Variants in PPARGC1B observed in about 807,000 individuals in gnomAD.
The protein encoded by PPARGC1B is PPARG coactivator 1 beta.
PPARGC1B carries 34 observed loss-of-function variants against 101.6 expected under a neutral mutation model. That is an observed-to-expected ratio of 0.33 (90% CI 0.25 to 0.45). The LOEUF is 0.45. Ranked by LOEUF, PPARGC1B falls within the 20% of genes least tolerant of loss-of-function variation. PPARGC1B has a pLI of 1.00. For missense variants in PPARGC1B, 1,234 were observed against 1,317.6 expected (o/e 0.94, Z 0.98); for synonymous variants, 548 against 539.3 (o/e 1.02, Z -0.22).
intron 1 of PPARGC1B, among the ~76,000 whole-genome samples, chr5:149,764,210 A>C (rs1396300245): frequency 2.0e-5 from 3 of 152,190 alleles, no homozygotes; most frequent in Non-Finnish European, 4.4e-5. Flanking sequence ...CCTCACAGTC[A>C]TTGATAGGAG....
chr5:149,744,192 C>T (rs1227816895), intron 1 of PPARGC1B, among the ~76,000 whole-genome samples: 1 of 152,246 alleles, frequency 6.6e-6, no homozygotes, highest in East Asian at 1.9e-4. Flanking sequence ...TTAGAATCTC[C>T]TCATATGTTG....
downstream of PPARGC1B, among the ~76,000 whole-genome samples, chr5:149,856,771 C>CT (rs562000427): frequency 0.11 from 14,068 of 129,064 alleles, 1,027 homozygotes; most frequent in South Asian, 0.2. Context: ...AGCTGCTTGG[C>CT]TTTTTTTTTT....
chr5:149,730,450 G>C lies in PPARGC1B; in HGVS notation c.78+30G>C. On this transcript the variant is annotated intron_variant, in intron 1 of 11. Coordinates refer to ENST00000309241, the MANE Select transcript of PPARGC1B (RefSeq NM_133263.4). This position sits in a 1 kb window ranked among gnomAD's most constrained non-coding sequence, Gnocchi z 4.0. ...GGCCGGCTGGGGCTGCGGGCCCGGG[G>C]CCAGGGGTGCTGAGCTGCGGGGGCC... 1 of 1,513,280 alleles carries C rather than the reference G, an allele frequency of 6.6e-7. No homozygotes were observed. The highest frequency in any genetic ancestry group is 8.9e-7 in the Non-Finnish European group (1 of 1,127,770). 93.7% of individuals were successfully genotyped at this position (1,513,280 alleles called of 1,614,324 possible). A position where few individuals can be genotyped will look rare whatever the true frequency, so the allele number is the denominator to read the frequency against.
chr5:149,837,641 C>T lies in PPARGC1B; in HGVS notation c.2618+568C>T, dbSNP rs1759159024. Among the ~76,000 whole-genome samples, 2 of 152,188 alleles carry T rather than the reference C, an allele frequency of 1.3e-5. No homozygotes were observed. Among genetic ancestry groups the T allele is most frequent in the African/African-American group, 4.8e-5 (2 of 41,450 alleles). On this transcript the variant is annotated intron_variant, in intron 8 of 11. Transcript: ENST00000309241. This position sits in a 1 kb window ranked among gnomAD's most constrained non-coding sequence, Gnocchi z 4.2. Reference sequence around the variant, plus strand: ...AGTGGAGGGATGATGCCTCATGAGCCCGCTTGCTCGTATCATCCTCGCTCG... The same window carrying T: ...AGTGGAGGGATGATGCCTCATGAGCTCGCTTGCTCGTATCATCCTCGCTCG...
chr5:149,847,588 A>C lies in PPARGC1B; in HGVS notation c.*30A>C. On this transcript the variant is annotated 3_prime_UTR_variant, in exon 12 of 12. Coordinates refer to ENST00000309241, the MANE Select transcript of PPARGC1B (RefSeq NM_133263.4). ...AGCCTTAACCCTCGAGGAATACCTCAATACCTCAGACAAGGCCCTTCCAAT... is the reference window on the plus strand; with the variant it reads ...AGCCTTAACCCTCGAGGAATACCTCCATACCTCAGACAAGGCCCTTCCAAT... The C allele has an allele frequency of 1.3e-6, 2 of 1,500,484 alleles. No homozygotes were observed. Among genetic ancestry groups the C allele is most frequent in the Non-Finnish European group, 1.9e-6 (2 of 1,076,958 alleles). 92.9% of individuals were successfully genotyped at this position (1,500,484 alleles called of 1,614,324 possible).
intron 4 of PPARGC1B, among the ~76,000 whole-genome samples, chr5:149,831,145 G>A (rs1210357513): frequency 6.6e-6 from 1 of 152,232 alleles, no homozygotes; most frequent in Non-Finnish European, 1.5e-5. Context: ...GATGAGGAAA[G>A]TGTGGCCAGG....
chr5:149,837,407 T>C lies in PPARGC1B; in HGVS notation c.2618+334T>C, dbSNP rs528120671. Among the ~76,000 whole-genome samples the C allele has an allele frequency of 2.1e-4, 32 of 152,252 alleles. No homozygotes were observed. Among genetic ancestry groups the C allele is most frequent in the Non-Finnish European group, 4.4e-4 (30 of 68,050 alleles). ...TATCCATTTGTACTTTTTGCTTTTATGTTTGTAAAATGGATAAGTTTTTGT... is the reference window on the plus strand; with the variant it reads ...TATCCATTTGTACTTTTTGCTTTTACGTTTGTAAAATGGATAAGTTTTTGT... On this transcript the variant is annotated intron_variant, in intron 8 of 11. Coordinates refer to ENST00000309241, the MANE Select transcript of PPARGC1B (RefSeq NM_133263.4). This position sits in a 1 kb window ranked among gnomAD's most constrained non-coding sequence, Gnocchi z 4.2.
intron 2 of PPARGC1B, among the ~76,000 whole-genome samples, chr5:149,824,180 T>C (rs1758414340): frequency 1.3e-5 from 2 of 152,234 alleles, no homozygotes; most frequent in Admixed American, 1.3e-4. Flanking sequence ...ACATGGTTCC[T>C]GAGAGCCCTT....
At position 149,738,837 on chromosome 5, in the gene PPARGC1B, C is replaced by T. The variant is rs141193126; in HGVS notation, c.78+8417C>T. On this transcript the variant is annotated intron_variant, in intron 1 of 11. Transcript: ENST00000309241. Reference sequence around the variant, plus strand: ...GTCTTGAACTCCTGACCTCGTGATCCGCTCGCCTCGGCCTCCCAAAATGCT... The same window carrying T: ...GTCTTGAACTCCTGACCTCGTGATCTGCTCGCCTCGGCCTCCCAAAATGCT... Among the ~76,000 whole-genome samples, 362 of 152,304 alleles carry T rather than the reference C, an allele frequency of 2.4e-3. 2 individuals are homozygous for T. The East Asian group carries it at 0.032, about 13-fold the overall frequency.
intron 1 of PPARGC1B, among the ~76,000 whole-genome samples, chr5:149,743,323 T>A (rs1311672300): frequency 6.6e-6 from 1 of 151,944 alleles, no homozygotes; most frequent in Non-Finnish European, 1.5e-5. Context: ...GCCTGGCTAA[T>A]TTTTGTATTT....
chr5:149,842,265 C>T lies in PPARGC1B; in HGVS notation c.2704C>T (p.Arg902Cys), dbSNP rs144860744. 64 of 1,613,366 alleles carry T rather than the reference C, an allele frequency of 4.0e-5. No individual in the cohort carries two copies. Among genetic ancestry groups the T allele is most frequent in the South Asian group, 3.1e-4 (28 of 91,052 alleles). The change falls in exon 10 of 12, where the codon CGC becomes TGC. Residue 902 changes from arginine (R) to cysteine (C), a missense_variant. By Grantham distance (180) the Arg-to-Cys change is radical. This residue lies in a region of PPARGC1B where 497 missense variants were observed against 529.5 expected (regional missense o/e 0.94). Transcript: ENST00000309241. Reference protein sequence around the residue: ...KRREKAIGEGRVVYIQNLSSD... With the variant: ...KRREKAIGEGCVVYIQNLSSD... ...CCTCCTTCTTGGGCAGGGGGAAGGC[C>T]GCGTGGTGTACATTCAAAATCTCTC...
intron 1 of PPARGC1B, among the ~76,000 whole-genome samples, chr5:149,793,136 T>C (rs914216846): frequency 6.6e-6 from 1 of 152,042 alleles, no homozygotes; most frequent in Non-Finnish European, 1.5e-5. Context: ...TTCCCCACCC[T>C]GGGGTGGCTG....
intron 1 of PPARGC1B, chr5:149,732,697 A>G: frequency 2.3e-6 from 1 of 426,540 alleles, no homozygotes; most frequent in South Asian, 1.7e-5. Context: ...GAAGGCTCGG[A>G]GAGCCCAGCC....
intron 1 of PPARGC1B, among the ~76,000 whole-genome samples, chr5:149,764,000 T>G (rs1427256954): frequency 1.3e-5 from 2 of 152,154 alleles, no homozygotes; most frequent in African/African-American, 4.8e-5. Context: ...CTTTTCCCCT[T>G]TATTGGTCAT....
chr5:149,811,078 A>T (rs1757839593), intron 1 of PPARGC1B, among the ~76,000 whole-genome samples: 2 of 152,178 alleles, frequency 1.3e-5, no homozygotes, highest in African/African-American at 2.4e-5. Flanking sequence ...TGTGAAACAC[A>T]TGCCTACGTT....
chr5:149,856,134 A>G (rs555120908), downstream of PPARGC1B, among the ~76,000 whole-genome samples: 31 of 152,124 alleles, frequency 2.0e-4, no homozygotes, highest in Non-Finnish European at 3.5e-4. Context: ...TAAAATAAGA[A>G]CAGGTGCAAT....
intron 1 of PPARGC1B, among the ~76,000 whole-genome samples, chr5:149,747,450 G>A (rs770420888): frequency 6.6e-6 from 1 of 152,236 alleles, no homozygotes; most frequent in African/African-American, 2.4e-5. Context: ...CTGATGCTCA[G>A]AGGGTGAGTG....
chr5:149,778,480 A>C (rs1362998459), intron 1 of PPARGC1B, among the ~76,000 whole-genome samples: 3 of 151,964 alleles, frequency 2.0e-5, no homozygotes, highest in African/African-American at 7.3e-5. Flanking sequence ...GGACTGTCTC[A>C]TGGAGAGTAC....
At chr5:149,803,251 T>C (rs1437159515) in intron 1 of PPARGC1B, among the ~76,000 whole-genome samples, 1 of 152,202 alleles carries the variant, frequency 6.6e-6, no homozygotes, top group African/African-American at 2.4e-5. Context: ...CTACTATTGC[T>C]TCCACTAGGA....
Sources: gnomAD v4.1 joint callset for allele counts (sites outside exome capture counted in the v4.1 genomes callset) on GRCh38, gnomAD v4.1.1 for gene constraint, gnomAD v4.1.1 regional missense constraint, Gnocchi (gnomAD v3.1) non-coding constraint, MANE v1.5 for transcripts, NCBI Gene and HGNC (gene_info 2026-07-23, HGNC 2026-07-21) for gene names.